RIOK1: variants seen among roughly 807,000 people sequenced by gnomAD.
RIOK1 encodes the protein serine/threonine-protein kinase RIO1.
Under a neutral mutation model 73.5 loss-of-function variants are expected in RIOK1, and 66 were observed. The ratio of observed to expected loss-of-function variants is 0.90; its 90% CI spans 0.74 to 1.10. The LOEUF is 1.10. Ranked by LOEUF, RIOK1 falls within the 50% of genes least tolerant of loss-of-function variation. The pLI, the probability that RIOK1 is intolerant of heterozygous loss-of-function variation, is 0.00. For missense variants in RIOK1, 658 were observed against 699.8 expected, an observed-to-expected ratio of 0.94 and a Z score of 0.67; for synonymous variants, 224 against 226.8, an observed-to-expected ratio of 0.99 and a Z score of 0.11.
At chr6:7,409,569 G>A (rs1053152301) in intron 12 of RIOK1, among the ~76,000 whole-genome samples, 9 of 151,370 alleles carry the variant, frequency 5.9e-5, no homozygotes, top group South Asian at 2.1e-4. Flanking sequence ...GATTACAGGC[G>A]TGAGCCTCAG....
intron 12 of RIOK1, among the ~76,000 whole-genome samples, chr6:7,406,294 G>T (rs769661376): frequency 1.1e-4 from 16 of 152,110 alleles, no homozygotes; most frequent in Non-Finnish European, 2.1e-4. Context: ...ACGACGCCCG[G>T]CCTCAGAGGC....
chr6:7,393,480 TC>T (rs1761394100), intron 2 of RIOK1, among the ~76,000 whole-genome samples, 177 bp downstream of exon 2: 1 of 152,230 alleles, frequency 6.6e-6, no homozygotes, highest in South Asian at 2.1e-4. Flanking sequence ...TCTGATAATT[TC>T]CTGGGTGTGG....
chr6:7,404,986 T>C lies in RIOK1; in HGVS notation c.1061T>C (p.Leu354Ser). 18 of 1,614,178 alleles carry C rather than the reference T, an allele frequency of 1.1e-5. No homozygotes were observed. The highest frequency in any genetic ancestry group is 1.5e-5 in the Non-Finnish European group (18 of 1,180,018). Residue 354 changes from leucine to serine, a missense_variant, in exon 11 of 17, where the codon TTG becomes TCG. Coordinates refer to ENST00000379834, the MANE Select transcript of RIOK1 (RefSeq NM_031480.3). ...QSVEHDHPHA[L>S]EFLRKDCANV... ...GTGGAGCACGACCACCCACATGCCT[T>C]GGAGTTCTTGAGAAAGGATTGCGCC... is the stretch of plus-strand genomic sequence containing the variant.
At chr6:7,412,297 G>A (rs1432741458) in intron 14 of RIOK1, among the ~76,000 whole-genome samples, 1 of 151,888 alleles carries the variant, frequency 6.6e-6, no homozygotes, top group Non-Finnish European at 1.5e-5. Context: ...GGAGGCGGAG[G>A]CTGCGGTGAG....
Position 7,390,023 on chromosome 6 carries a change from C to T in RIOK1, c.21C>T (p.Leu7=), listed in dbSNP as rs112923583. 28 of 1,555,506 alleles carry T rather than the reference C, an allele frequency of 1.8e-5. No individual in the cohort carries two copies. In the South Asian group the frequency reaches 2.1e-4, roughly 12 times the overall value. MDYRRL[L]MSRVVPGQFD... ...CAGTCATGGACTACCGGCGGCTTCT[C>T]ATGAGCCGGGTGGTCCCCGGGCAAT... Residue 7 remains leucine, a synonymous_variant, in exon 1 of 17, where the codon CTC becomes CTT. Coordinates refer to ENST00000379834, the MANE Select transcript of RIOK1 (RefSeq NM_031480.3).
intron 14 of RIOK1, 27 bp from the exon 15 acceptor site, chr6:7,412,862 T>G: frequency 1.7e-6 from 1 of 585,306 alleles, no homozygotes; most frequent in Non-Finnish European, 2.5e-6. Context: ...TTGATCCTTA[T>G]TTTTTTTTTT....
chr6:7,414,193 G>T, intron 15 of RIOK1, 45 bp from the exon 16 acceptor site: 1 of 1,539,730 alleles, frequency 6.5e-7, no homozygotes. Flanking sequence ...ACATAACTTG[G>T]TTTGTGTGTT....
chr6:7,415,599 A>G (rs1761981523), intron 16 of RIOK1, among the ~76,000 whole-genome samples: 1 of 152,222 alleles, frequency 6.6e-6, no homozygotes, highest in Non-Finnish European at 1.5e-5. Flanking sequence ...TGAAAGACGT[A>G]AACAAAAACA....
At chr6:7,394,595 A>G (rs1007507237) in intron 2 of RIOK1, among the ~76,000 whole-genome samples, 1 of 152,182 alleles carries the variant, frequency 6.6e-6, no homozygotes, top group Non-Finnish European at 1.5e-5. Context: ...TCATTATTGA[A>G]GTTTGCGCAT....
chr6:7,401,606 G>A (rs1761614933), intron 6 of RIOK1, among the ~76,000 whole-genome samples: 1 of 150,044 alleles, frequency 6.7e-6, no homozygotes, highest in African/African-American at 2.4e-5. Context: ...ATTTAAAAGT[G>A]TAAAACCCAT....
intron 8 of RIOK1, 102 bp downstream of exon 8, chr6:7,402,999 C>T: frequency 1.1e-6 from 1 of 905,112 alleles, no homozygotes; most frequent in South Asian, 1.7e-5. Context: ...AATGTAGGGA[C>T]TTGTTAGGGC....
At chr6:7,396,322 CATA>C (rs1406556674) in intron 3 of RIOK1, among the ~76,000 whole-genome samples, 3 of 152,188 alleles carry the variant, frequency 2.0e-5, no homozygotes, top group Middle Eastern at 3.2e-3. Flanking sequence ...CTTTGCCTAT[CATA>C]GACTTATAAC....
At chr6:7,415,370 C>T (rs1264239448) in intron 16 of RIOK1, among the ~76,000 whole-genome samples, 2 of 151,992 alleles carry the variant, frequency 1.3e-5, no homozygotes, top group African/African-American at 2.4e-5. Flanking sequence ...CCACTGCACG[C>T]CAGCCTGGGT....
At chr6:7,408,629 C>T (rs1485140945) in intron 12 of RIOK1, among the ~76,000 whole-genome samples, 1 of 152,144 alleles carries the variant, frequency 6.6e-6, no homozygotes, top group Non-Finnish European at 1.5e-5. Flanking sequence ...CAATATCTGG[C>T]CCATAGTAGG....
In RIOK1 at chr6:7,414,893, C is replaced by G. The variant is rs144685264; in HGVS notation, c.1596+503C>G. 6.3e-3 allele frequency among the ~76,000 whole-genome samples: 958 copies of G among 152,298 alleles called. 42 individuals are homozygous for G. The highest frequency in any genetic ancestry group is 0.055 in the Admixed American group (835 of 15,290). ...CCTAAGTAGTGTGATGAAATTCATG[C>G]TGTCCTCCTCCATCCTGCCTGGAAT... On this transcript the variant is annotated intron_variant, in intron 16 of 16. Transcript: ENST00000379834.
At chr6:7,410,831 GGGTGT>G (rs1761868019) in intron 13 of RIOK1, among the ~76,000 whole-genome samples, 1 of 152,128 alleles carries the variant, frequency 6.6e-6, no homozygotes, top group South Asian at 2.1e-4. Flanking sequence ...AAACGAGTCA[GGGTGT>G]TTTTTTGTGA....
intron 4 of RIOK1, among the ~76,000 whole-genome samples, chr6:7,397,841 C>T (rs939856480): frequency 3.9e-5 from 6 of 152,118 alleles, no homozygotes; most frequent in South Asian, 2.1e-4. Context: ...TGTCTTGAAA[C>T]GATTTTAAAA....
At chr6:7,404,081 C>A in intron 9 of RIOK1, 54 bp downstream of exon 9, 2 of 1,220,298 alleles carry the variant, frequency 1.6e-6, no homozygotes, top group South Asian at 1.2e-5. Context: ...TTTTTAAGTT[C>A]TTTGAGTTTA....
intron 13 of RIOK1, 118 bp downstream of exon 13, chr6:7,410,569 G>A: frequency 1.5e-6 from 1 of 651,818 alleles, no homozygotes; most frequent in Non-Finnish European, 2.7e-6. Context: ...TCAAATGATG[G>A]TAATATTTCC....
Sources: allele counts gnomAD v4.1 joint callset (sites outside exome capture counted in the v4.1 genomes callset), GRCh38; gene constraint gnomAD v4.1.1; transcripts MANE v1.5; gene names NCBI Gene and HGNC (gene_info 2026-07-23, HGNC 2026-07-21).